PUDP: variants seen among roughly 807,000 people sequenced by gnomAD.
PUDP encodes the protein pseudouridine 5'-phosphatase, also known as pseudouridine-5'-phosphatase.
A neutral mutation model predicts 9.4 loss-of-function variants in PUDP; 8 were observed. That is an observed-to-expected ratio of 0.85 (90% CI 0.50 to 1.53). The LOEUF (loss-of-function observed/expected upper bound fraction) is 1.53, where lower values mean the gene tolerates loss of function less well. Among genes scored for constraint, PUDP ranks in the 40% most tolerant of loss-of-function variants. PUDP has a pLI of 0.00. For synonymous variants in PUDP, 99 were observed against 80.7 expected, an observed-to-expected ratio of 1.23 and a Z score of -1.22; for missense variants, 188 against 189.7, an observed-to-expected ratio of 0.99 and a Z score of 0.05.
chrX:6,772,402 G>A (rs1455867833), intron 3 of PUDP, among the ~76,000 whole-genome samples: 8 of 110,850 alleles, frequency 7.2e-5, no homozygotes, highest in Non-Finnish European at 1.5e-4. Context: ...AGCAGAGTCA[G>A]CAGCTCATCT....
chrX:6,724,281 G>A (rs1924712910), upstream of PUDP, among the ~76,000 whole-genome samples: 1 of 110,690 alleles, frequency 9.0e-6, no homozygotes, highest in Non-Finnish European at 1.9e-5. Flanking sequence ...ACAATAAAGT[G>A]AATAAATTCA....
At chrX:6,852,048 T>C (rs1329419892) in intron 3 of PUDP, among the ~76,000 whole-genome samples, 1 of 112,456 alleles carries the variant, frequency 8.9e-6, no homozygotes, top group Non-Finnish European at 1.9e-5. Flanking sequence ...TCTGGTCTTT[T>C]TCTACTGACA....
Position 7,065,884 on chromosome X carries a change from G to A in PUDP, c.510+11336C>T, listed in dbSNP as rs941940557. 3.6e-5 allele frequency among the ~76,000 whole-genome samples: 4 copies of A among 112,132 alleles called. No homozygotes were observed. In the South Asian group the frequency reaches 1.1e-3, roughly 31 times the overall value. On this transcript the variant is annotated intron_variant, in intron 3 of 3. Transcript: ENST00000381077. ...TTCAATACACCATTCTCCTCCAATCGCAGTGAAGAGAAACAATGCCCAAAT... is the reference window on the plus strand; with the variant it reads ...TTCAATACACCATTCTCCTCCAATCACAGTGAAGAGAAACAATGCCCAAAT...
chrX:6,852,925 G>A (rs1926849413), intron 3 of PUDP, among the ~76,000 whole-genome samples: 1 of 111,155 alleles, frequency 9.0e-6, no homozygotes, highest in Non-Finnish European at 1.9e-5. Flanking sequence ...CTGGAAAAGG[G>A]TTACCACTTT....
At chrX:6,989,413 C>T (rs1379813702) in intron 1 of PUDP, 1 of 154,058 alleles carries the variant, frequency 6.5e-6, no homozygotes, top group East Asian at 1.5e-4. Flanking sequence ...GGCCAAGACC[C>T]AGGATAAGGA....
chrX:7,066,090 G>A (rs1400031815), intron 3 of PUDP, among the ~76,000 whole-genome samples: 4 of 112,162 alleles, frequency 3.6e-5, no homozygotes, highest in African/African-American at 1.3e-4. Context: ...ATGCACTAGT[G>A]TATGGGGGAA....
chrX:6,945,337 C>G (rs1476042951), intron 3 of PUDP, among the ~76,000 whole-genome samples: 2 of 111,954 alleles, frequency 1.8e-5, no homozygotes. Flanking sequence ...GCCTGGGAAT[C>G]AGGAGGCAGT....
chrX:7,072,153 G>A (rs1043607446), intron 3 of PUDP, among the ~76,000 whole-genome samples: 1 of 111,709 alleles, frequency 9.0e-6, no homozygotes, highest in African/African-American at 3.3e-5. Context: ...TCTAAAGGCT[G>A]GTTGAAATGA....
At chrX:7,029,280 A>T (rs1929761190) in intron 1 of PUDP, among the ~76,000 whole-genome samples, 1 of 111,986 alleles carries the variant, frequency 8.9e-6, no homozygotes, top group East Asian at 2.8e-4. Flanking sequence ...CCTACCTGCA[A>T]ATACAGTCAC....
chrX:6,992,601 G>A (rs928870800), intron 1 of PUDP, among the ~76,000 whole-genome samples: 27 of 110,475 alleles, frequency 2.4e-4, no homozygotes, highest in African/African-American at 8.2e-4. Flanking sequence ...TTGACCTCAG[G>A]CAGAATGAGC....
chrX:6,858,386 G>C (rs758804311), intron 3 of PUDP, among the ~76,000 whole-genome samples: 4 of 99,572 alleles, frequency 4.0e-5, no homozygotes, highest in African/African-American at 1.5e-4. Flanking sequence ...CTGGAGTGCA[G>C]TGGCACAATG....
At chrX:6,769,350 C>T (rs1925328562) in intron 3 of PUDP, among the ~76,000 whole-genome samples, 1 of 112,073 alleles carries the variant, frequency 8.9e-6, no homozygotes, top group African/African-American at 3.2e-5. Flanking sequence ...AAGCCCTCCT[C>T]ACCTTTGGCG....
intron 1 of PUDP, among the ~76,000 whole-genome samples, chrX:7,140,177 A>G (rs745364187): frequency 1.8e-5 from 2 of 112,468 alleles, no homozygotes; most frequent in East Asian, 5.6e-4. Flanking sequence ...TTAAGCACCA[A>G]CAAGGCAATT....
intron 3 of PUDP, among the ~76,000 whole-genome samples, chrX:6,846,308 G>A (rs750388050): frequency 9.2e-6 from 1 of 108,919 alleles, no homozygotes; most frequent in East Asian, 2.9e-4. Context: ...GGGAGGCTGA[G>A]CCAGGAAAAT....
intron 1 of PUDP, among the ~76,000 whole-genome samples, chrX:7,138,441 C>T (rs1227743302): frequency 9.2e-6 from 1 of 108,619 alleles, no homozygotes; most frequent in Non-Finnish European, 1.9e-5. Flanking sequence ...GGCGTGATCT[C>T]AGCTCACTAC....
chrX:7,103,875 T>G (rs1268858977), intron 2 of PUDP, among the ~76,000 whole-genome samples: 4 of 112,215 alleles, frequency 3.6e-5, no homozygotes, highest in Admixed American at 1.9e-4. Flanking sequence ...GGATGACTAC[T>G]ATCAAAAAAA....
At chrX:6,956,185 G>A (rs1208911822) in intron 3 of PUDP, among the ~76,000 whole-genome samples, 10 of 112,038 alleles carry the variant, frequency 8.9e-5, no homozygotes, top group Non-Finnish European at 1.9e-4. Context: ...AAGTAGCTGG[G>A]ACTACAGGCG....
At chrX:6,811,249 G>A (rs756485902) in intron 3 of PUDP, among the ~76,000 whole-genome samples, 3 of 111,224 alleles carry the variant, frequency 2.7e-5, no homozygotes, top group Non-Finnish European at 5.7e-5. Context: ...CTTGTGAACA[G>A]AGATGGAGCA....
At chrX:7,101,027 T>C (rs1931715434) in intron 2 of PUDP, among the ~76,000 whole-genome samples, 1 of 112,070 alleles carries the variant, frequency 8.9e-6, no homozygotes, top group South Asian at 3.7e-4. Context: ...TGAGCCAGCA[T>C]CCCAGCATGA....
Sources: allele counts gnomAD v4.1 joint callset (sites outside exome capture counted in the v4.1 genomes callset), GRCh38; gene constraint gnomAD v4.1.1; transcripts MANE v1.5; gene names NCBI Gene and HGNC (gene_info 2026-07-23, HGNC 2026-07-21).